Variants in ZBTB43 observed in about 807,000 individuals in gnomAD.
ZBTB43 encodes zinc finger and BTB domain-containing protein 43.
In ZBTB43, 6 loss-of-function variants were observed where a neutral mutation model predicts 31.1. The observed-to-expected ratio is 0.19, with a 90% CI of 0.11 to 0.38. The LOEUF (loss-of-function observed/expected upper bound fraction) is 0.38. ZBTB43 is among the 10% of genes least tolerant of loss of function. The probability of loss-of-function intolerance (pLI) is 1.00; values close to 1 mark genes in which losing one functional copy is unlikely to be tolerated. For missense variants in ZBTB43, 379 were observed against 602.1 expected (o/e 0.63, Z 3.88); for synonymous variants, 212 against 221.7 (o/e 0.96, Z 0.39).
At chr9:126,809,570 T>C (rs1386307398) in intron 2 of ZBTB43, among the ~76,000 whole-genome samples, 1 of 152,208 alleles carries the variant, frequency 6.6e-6, no homozygotes, top group Non-Finnish European at 1.5e-5. Context: ...GTTTAATAGG[T>C]GTTTAAATCA....
At chr9:126,806,546 A>G (rs1350314968) in intron 1 of ZBTB43, among the ~76,000 whole-genome samples, 3 of 152,168 alleles carry the variant, frequency 2.0e-5, no homozygotes, top group Admixed American at 1.3e-4. Flanking sequence ...AGGTCTGGAA[A>G]TGGGTTGTGA....
rs1282541720 is a variant in ZBTB43 at position 126,835,878 on chromosome 9, A to C, written c.*1965A>C. On this transcript the variant is annotated 3_prime_UTR_variant, in exon 3 of 3. Coordinates refer to ENST00000373464, the MANE Select transcript of ZBTB43 (RefSeq NM_014007.4). ...CTGAGGGGATTGTACAATCAAGCCTATTGTCTCCTTTTCTTTCACTCATGG... is the reference window on the plus strand; with the variant it reads ...CTGAGGGGATTGTACAATCAAGCCTCTTGTCTCCTTTTCTTTCACTCATGG... 1 of 166,968 alleles carries C rather than the reference A, an allele frequency of 6.0e-6. No homozygotes were observed. Among genetic ancestry groups the C allele is most frequent in the South Asian group, 2.1e-4 (1 of 4,828 alleles). The allele number at this position is 166,968 out of a possible 1,614,324, so 10.3% of individuals were successfully genotyped here.
At chr9:126,808,471 T>C (rs2032174754) in intron 1 of ZBTB43, among the ~76,000 whole-genome samples, 1 of 152,256 alleles carries the variant, frequency 6.6e-6, no homozygotes, top group Admixed American at 6.5e-5. Flanking sequence ...AAAGGATATA[T>C]TAATTCTGCA....
At chr9:126,829,806 G>A (rs1237288179) in intron 2 of ZBTB43, among the ~76,000 whole-genome samples, 1 of 152,044 alleles carries the variant, frequency 6.6e-6, no homozygotes, top group Non-Finnish European at 1.5e-5. Context: ...AGATCTAGCA[G>A]AGAATCTGTT....
chr9:126,810,323 T>C (rs2032216615), intron 2 of ZBTB43, among the ~76,000 whole-genome samples: 1 of 151,906 alleles, frequency 6.6e-6, no homozygotes, highest in Admixed American at 6.6e-5. Flanking sequence ...GCCTCCTGAG[T>C]AGCTGGGATT....
chr9:126,834,031 G>A lies in ZBTB43; in HGVS notation c.*118G>A. 3 of 1,145,368 alleles carry A rather than the reference G, an allele frequency of 2.6e-6. No homozygotes were observed. Among genetic ancestry groups the A allele is most frequent in the Non-Finnish European group, 3.6e-6 (3 of 833,580 alleles). 71.0% of individuals were successfully genotyped at this position (1,145,368 alleles called of 1,614,324 possible). A position where few individuals can be genotyped will look rare whatever the true frequency, so the allele number is the denominator to read the frequency against. ...ATGAGAGAAGCTTAAAAAAAAAAAGGAAGATATTTCTGAAAGACCAGCTCT... is the reference window on the plus strand; with the variant it reads ...ATGAGAGAAGCTTAAAAAAAAAAAGAAAGATATTTCTGAAAGACCAGCTCT... On this transcript the variant is annotated 3_prime_UTR_variant, in exon 3 of 3. Transcript: ENST00000373464.
rs1014381222 is a variant in ZBTB43, at chr9:126,837,115, A to G, written c.*3202A>G. 3.0e-5 allele frequency: 5 copies of G among 166,938 alleles called. No homozygotes were observed. Among genetic ancestry groups the G allele is most frequent in the African/African-American group, 9.7e-5 (4 of 41,390 alleles). The allele number at this position is 166,938 out of a possible 1,614,324, so 10.3% of individuals were successfully genotyped here. ...CGAGACTCTGTCTCAAAAAAAAAAA[A>G]AAAATTCATACTTATGCCATGCTTT... On this transcript the variant is annotated 3_prime_UTR_variant, in exon 3 of 3. Transcript: ENST00000373464.
intron 2 of ZBTB43, among the ~76,000 whole-genome samples, chr9:126,825,415 T>G (rs1361905795): frequency 1.3e-5 from 2 of 152,200 alleles, no homozygotes; most frequent in African/African-American, 4.8e-5. Flanking sequence ...AACAAAATAC[T>G]ACAGGCTGGG....
At chr9:126,824,934 A>G (rs962296798) in intron 2 of ZBTB43, among the ~76,000 whole-genome samples, 11 of 151,914 alleles carry the variant, frequency 7.2e-5, no homozygotes, top group African/African-American at 2.7e-4. Flanking sequence ...GGTTGTATTC[A>G]TTTTTCTTTT....
chr9:126,827,991 T>C (rs1326743383), intron 2 of ZBTB43, among the ~76,000 whole-genome samples: 1 of 151,846 alleles, frequency 6.6e-6, no homozygotes. Context: ...CACTCCAGCC[T>C]GGGCAACAAG....
At chr9:126,809,224 A>G (rs1284646897) in intron 2 of ZBTB43, among the ~76,000 whole-genome samples, 1 of 152,186 alleles carries the variant, frequency 6.6e-6, no homozygotes, top group African/African-American at 2.4e-5. Flanking sequence ...ACGTGTAACC[A>G]CTGGCAGGTC....
intron 2 of ZBTB43, among the ~76,000 whole-genome samples, chr9:126,820,315 A>G (rs1197324957): frequency 6.6e-6 from 1 of 152,204 alleles, no homozygotes; most frequent in Non-Finnish European, 1.5e-5. Context: ...TTAGGGGCTA[A>G]TGCAGCTGGT....
At chr9:126,813,913 A>C (rs2032304465) in intron 2 of ZBTB43, among the ~76,000 whole-genome samples, 1 of 152,146 alleles carries the variant, frequency 6.6e-6, no homozygotes, top group Admixed American at 6.5e-5. Flanking sequence ...ACATGTAATC[A>C]AATGTGCCCT....
intron 2 of ZBTB43, among the ~76,000 whole-genome samples, chr9:126,820,066 G>A (rs1043249381): frequency 6.6e-6 from 1 of 152,200 alleles, no homozygotes; most frequent in Non-Finnish European, 1.5e-5. Flanking sequence ...GAGGTTGAAG[G>A]AAAGAAGTGT....
chr9:126,821,066 A>G (rs534669811), intron 2 of ZBTB43, among the ~76,000 whole-genome samples: 120 of 151,970 alleles, frequency 7.9e-4, no homozygotes, highest in Non-Finnish European at 1.2e-3. Flanking sequence ...ATCTGGGCAA[A>G]GTAAATTGAA....
Position 126,835,235 on chromosome 9 carries a change from AAAAC to A in ZBTB43, c.*1329_*1332del, listed in dbSNP as rs1257401861. Reference sequence around the variant, plus strand: ...CGCCGACCAGAAAAAAAAAATTAAAAAAACAAACAAGAAAAGCAACTATTCTGAG... The same window carrying A: ...CGCCGACCAGAAAAAAAAAATTAAAAAAACAAGAAAAGCAACTATTCTGAG... On this transcript the variant is annotated 3_prime_UTR_variant, in exon 3 of 3. Coordinates refer to ENST00000373464, the MANE Select transcript of ZBTB43 (RefSeq NM_014007.4). 6.0e-6 allele frequency: 1 copy of A among 167,068 alleles called. No homozygotes were observed. The highest frequency in any genetic ancestry group is 2.4e-5 in the African/African-American group (1 of 41,450). 10.3% of individuals were successfully genotyped at this position (167,068 alleles called of 1,614,324 possible).
chr9:126,814,231 T>C (rs957330103), intron 2 of ZBTB43, among the ~76,000 whole-genome samples: 1 of 30,486 alleles, frequency 3.3e-5, no homozygotes, highest in Non-Finnish European at 6.3e-5. Context: ...TTGTGAATTA[T>C]AGGTTTCATC....
chr9:126,824,061 C>CT (rs1474508708), intron 2 of ZBTB43, among the ~76,000 whole-genome samples: 1 of 151,986 alleles, frequency 6.6e-6, no homozygotes, highest in African/African-American at 2.4e-5. Context: ...GAGTCTCACT[C>CT]TGTTGCCCAG....
At chr9:126,815,422 C>T (rs1381664190) in intron 2 of ZBTB43, among the ~76,000 whole-genome samples, 1 of 149,568 alleles carries the variant, frequency 6.7e-6, no homozygotes, top group Non-Finnish European at 1.5e-5. Context: ...TTGCCTTCCC[C>T]ACAACAATCA....
Sources: allele counts gnomAD v4.1 joint callset (sites outside exome capture counted in the v4.1 genomes callset), GRCh38; gene constraint gnomAD v4.1.1; transcripts MANE v1.5; gene names NCBI Gene and HGNC (gene_info 2026-07-23, HGNC 2026-07-21).